Variants in EFCAB8 observed in about 807,000 individuals in gnomAD.
EFCAB8 encodes EF-hand calcium-binding domain-containing protein 8.
A neutral mutation model predicts 116.3 loss-of-function variants in EFCAB8; 100 were observed. The observed-to-expected ratio is 0.86, with a 90% confidence interval of 0.73 to 1.02. The LOEUF is 1.02. Among genes scored for constraint, EFCAB8 ranks in the 50% least tolerant of loss-of-function variants. The pLI is 0.00. For synonymous variants in EFCAB8, 558 were observed against 567.9 expected (o/e 0.98, Z 0.25); for missense variants, 1,320 against 1,416.9 (o/e 0.93, Z 1.10).
At chr20:32,952,898 C>T (rs1988843422) in intron 23 of EFCAB8, among the ~76,000 whole-genome samples, 1 of 152,168 alleles carries the variant, frequency 6.6e-6, no homozygotes, top group African/African-American at 2.4e-5. Context: ...AGTATATTCA[C>T]ATTGTTGTGC....
At chr20:32,927,192 T>TA (rs1004874324) in intron 20 of EFCAB8, among the ~76,000 whole-genome samples, 1 of 152,166 alleles carries the variant, frequency 6.6e-6, no homozygotes, top group Admixed American at 6.5e-5. Flanking sequence ...ATCTGACAAT[T>TA]ACAAAAGTCA....
chr20:32,866,772 C>G (rs992728448), intron 2 of EFCAB8, among the ~76,000 whole-genome samples: 2 of 144,630 alleles, frequency 1.4e-5, no homozygotes, highest in African/African-American at 5.1e-5. Context: ...TCTTCCCTTC[C>G]TCCCTTTCTT....
rs373060713 is a variant in EFCAB8, at chr20:32,940,749, G to A, written c.2791-2887G>A. ...ATGATAAATAACCAAATTAAGATAC[G>A]GGTAAAGGATCTAAATAAACATTTC... On this transcript the variant is annotated intron_variant, in intron 22 of 26. Transcript: ENST00000400522. 1.3e-4 allele frequency among the ~76,000 whole-genome samples: 20 copies of A among 149,734 alleles called. 1 individual carries two copies. Among genetic ancestry groups the A allele is most frequent in the Admixed American group, 1.1e-3 (17 of 15,088 alleles).
intron 5 of EFCAB8, 126 bp from the exon 6 acceptor site, chr20:32,885,379 C>A (rs1985565022): frequency 1.6e-6 from 2 of 1,284,182 alleles, no homozygotes; most frequent in Non-Finnish European, 2.1e-6. Flanking sequence ...TGCGCATGTG[C>A]GTGCGTGTGC....
intron 4 of EFCAB8, among the ~76,000 whole-genome samples, chr20:32,877,989 A>G (rs776547654): frequency 1.3e-5 from 2 of 152,172 alleles, no homozygotes; most frequent in Non-Finnish European, 2.9e-5. Flanking sequence ...ATTCAAGAAC[A>G]GGTCTGCTGT....
At chr20:32,882,819 C>T (rs1476461534) in intron 5 of EFCAB8, among the ~76,000 whole-genome samples, 2 of 152,164 alleles carry the variant, frequency 1.3e-5, no homozygotes, top group African/African-American at 4.8e-5. Context: ...CCTCAGCCTC[C>T]CGAGTAGCTG....
Position 32,867,636 on chromosome 20 carries a change from TC to T in EFCAB8, c.99del (p.Ile34SerfsTer24), listed in dbSNP as rs2146171602. Reference sequence around the variant, plus strand: ...GGAGGCTGCTAGCTCCCCAACACCATCCATCACCCTTAGCCAGGTGCCTGAC... The same window carrying T: ...GGAGGCTGCTAGCTCCCCAACACCATCATCACCCTTAGCCAGGTGCCTGAC... The part of the protein sequence containing the change: ...NKEAASSPTP[S>X]ITLSQVPDLQ... On this transcript the variant is annotated frameshift_variant, in exon 3 of 27. Coordinates refer to ENST00000400522, the MANE Select transcript of EFCAB8 (RefSeq NM_001143967.2). LOFTEE classifies it high-confidence loss of function. 1 of 1,551,624 alleles carries T rather than the reference TC, an allele frequency of 6.4e-7. No individual in the cohort carries two copies. Among genetic ancestry groups the T allele is most frequent in the African/African-American group, 1.4e-5 (1 of 73,132 alleles).
Position 32,960,974 on chromosome 20 carries a change from C to T in EFCAB8, c.3394-162C>T, listed in dbSNP as rs569948402. ...CTGGTGCAGGGTGGATGCATGGGCCCGCAGGCCACGGTGGTTAGTGGTAGC... is the reference window on the plus strand; with the variant it reads ...CTGGTGCAGGGTGGATGCATGGGCCTGCAGGCCACGGTGGTTAGTGGTAGC... On this transcript the variant is annotated intron_variant, in intron 26 of 26. Transcript: ENST00000400522. Among the ~76,000 whole-genome samples, 14 of 152,286 alleles carry T rather than the reference C, an allele frequency of 9.2e-5. No individual in the cohort carries two copies. The East Asian group carries it at 2.5e-3, about 27-fold the overall frequency.
chr20:32,912,902 G>A (rs1010831780), intron 17 of EFCAB8, 38 bp downstream of exon 17: 1 of 714,432 alleles, frequency 1.4e-6, no homozygotes, highest in Non-Finnish European at 2.6e-6. Flanking sequence ...GGTTCCAGTA[G>A]CTGCGTGTTC....
At chr20:32,942,081 G>GT (rs1011079104) in intron 22 of EFCAB8, among the ~76,000 whole-genome samples, 12 of 151,816 alleles carry the variant, frequency 7.9e-5, no homozygotes, top group East Asian at 3.9e-4. Context: ...TCATTAGCCT[G>GT]TTTTTTTTAT....
rs149529555 is a variant in EFCAB8, at chr20:32,915,879, G to A, written c.1857-1422G>A. ...GTAGAGACAGGGTTTCATCATGTTG[G>A]CCAGGCTGGTCTTGAACTCCTGGCC... On this transcript the variant is annotated intron_variant, in intron 17 of 26. Transcript: ENST00000400522. 3.0e-3 allele frequency among the ~76,000 whole-genome samples: 452 copies of A among 152,062 alleles called. 1 individual carries two copies. Among genetic ancestry groups the A allele is most frequent in the African/African-American group, 0.01 (429 of 41,462 alleles).
In EFCAB8 at chr20:32,929,379, T is replaced by A. The variant is rs74849424; in HGVS notation, c.2413-1019T>A. 8.8e-3 allele frequency among the ~76,000 whole-genome samples: 1,336 copies of A among 152,234 alleles called. 19 individuals are homozygous for A. The highest frequency in any genetic ancestry group is 0.03 in the African/African-American group (1,243 of 41,534). On this transcript the variant is annotated intron_variant, in intron 20 of 26. Coordinates refer to ENST00000400522, the MANE Select transcript of EFCAB8 (RefSeq NM_001143967.2). ...GCCAGTGGGAAGCAGGTTGAACAAC[T>A]AATTTCGGATTTCTACAACAATAAG... is the stretch of plus-strand genomic sequence containing the variant.
chr20:32,881,102 C>G (rs1472398787), intron 5 of EFCAB8, among the ~76,000 whole-genome samples: 1 of 152,234 alleles, frequency 6.6e-6, no homozygotes, highest in African/African-American at 2.4e-5. Flanking sequence ...GGCTTCCTTT[C>G]AATCTTGTCA....
intron 1 of EFCAB8, among the ~76,000 whole-genome samples, chr20:32,862,182 G>A (rs912359838): frequency 2.7e-5 from 4 of 150,658 alleles, no homozygotes; most frequent in African/African-American, 9.8e-5. Flanking sequence ...CCAGGCTGGA[G>A]TGTAGTGGTA....
chr20:32,921,767 C>T (rs1987469199), intron 20 of EFCAB8, among the ~76,000 whole-genome samples: 1 of 148,068 alleles, frequency 6.8e-6, no homozygotes, highest in Non-Finnish European at 1.5e-5. Context: ...TTCTGTAAGT[C>T]TATAGCATGG....
intron 10 of EFCAB8, among the ~76,000 whole-genome samples, chr20:32,896,975 T>C (rs1221942845): frequency 6.6e-6 from 1 of 152,158 alleles, no homozygotes; most frequent in Non-Finnish European, 1.5e-5. Flanking sequence ...TTGCAAGCTC[T>C]GGGCTTGTTT....
chr20:32,947,552 G>A (rs1451473714), intron 23 of EFCAB8, among the ~76,000 whole-genome samples: 2 of 152,008 alleles, frequency 1.3e-5, no homozygotes, highest in African/African-American at 4.8e-5. Flanking sequence ...AAATATCTTT[G>A]AAATATCCCT....
Position 32,961,458 on chromosome 20 carries a change from C to T in EFCAB8, c.3716C>T (p.Ser1239Phe). The stretch of plus-strand genomic sequence containing the variant: ...CCCCAGTCAGCCTCCACAGCCCATT[C>T]CACCCCCTCGGTCCCATCCCCGGTG... ...LRPQSASTAH[S>F]TPSVPSPVSK... is the part of the protein sequence containing the mutation. The change falls in exon 27 of 27, where the codon TCC (serine) becomes TTC (phenylalanine). Residue 1239 changes from serine to phenylalanine, a missense_variant. Physicochemically the swap from Ser to Phe is radical, Grantham distance 155. Transcript: ENST00000400522. 6.9e-7 allele frequency: 1 copy of T among 1,454,092 alleles called. No homozygotes were observed. The highest frequency in any genetic ancestry group is 9.1e-7 in the Non-Finnish European group (1 of 1,100,718). The allele number at this position is 1,454,092 out of a possible 1,614,324, so 90.1% of individuals were successfully genotyped here. A position where few individuals can be genotyped will look rare whatever the true frequency, so the allele number is the denominator to read the frequency against.
intron 11 of EFCAB8, among the ~76,000 whole-genome samples, chr20:32,901,285 C>A (rs745686488): frequency 1.3e-5 from 2 of 152,170 alleles, no homozygotes; most frequent in Non-Finnish European, 2.9e-5. Flanking sequence ...TGTCTTGAGT[C>A]ACACATAAAA....
Sources: allele counts gnomAD v4.1 joint callset (sites outside exome capture counted in the v4.1 genomes callset), GRCh38; gene constraint gnomAD v4.1.1; transcripts MANE v1.5; gene names NCBI Gene and HGNC (gene_info 2026-07-23, HGNC 2026-07-21).